Variants in LYPD6B observed in about 807,000 individuals in gnomAD.
LYPD6B encodes LY6/PLAUR domain containing 6B, also known as ly6/PLAUR domain-containing protein 6B.
LYPD6B carries 17 observed loss-of-function variants against 22.8 expected under a neutral mutation model. That is an observed-to-expected ratio of 0.75 (90% confidence interval 0.51 to 1.12). LYPD6B has a LOEUF of 1.12. Ranked by LOEUF, LYPD6B falls within the 50% of genes most tolerant of loss-of-function variation. The pLI, the probability that LYPD6B is intolerant of heterozygous loss-of-function variation, is 0.00. For missense variants in LYPD6B, 221 were observed against 258.3 expected (o/e 0.86, Z 0.99); for synonymous variants, 106 against 91.6 (o/e 1.16, Z -0.90).
intron 1 of LYPD6B, among the ~76,000 whole-genome samples, chr2:149,106,977 T>C (rs1686507883): frequency 6.6e-6 from 1 of 152,132 alleles, no homozygotes; most frequent in Non-Finnish European, 1.5e-5. Flanking sequence ...AAACCATGGA[T>C]AGTGCGGAAC....
rs759650003 is a variant in LYPD6B, at chr2:149,205,392, C to A, written c.217C>A (p.Pro73Thr). ...AKNINFYNVR[P>T]PLDPTPFPNS... Reference sequence around the variant, plus strand: ...GAACATCAACTTCTATAATGTGAGGCCTCCTCTCGACCGTAAGTAGTGGTG... The same window carrying A: ...GAACATCAACTTCTATAATGTGAGGACTCCTCTCGACCGTAAGTAGTGGTG... Residue 73 changes from proline to threonine, a missense_variant, in exon 4 of 7, where the codon CCT (proline) becomes ACT (threonine). By Grantham distance (38) the Pro-to-Thr change is conservative. Transcript: ENST00000409642. The A allele has an allele frequency of 3.7e-6, 6 of 1,613,808 alleles. No homozygotes were observed. In the Admixed American group the frequency reaches 8.3e-5, roughly 22 times the overall value.
intron 2 of LYPD6B, among the ~76,000 whole-genome samples, chr2:149,154,381 C>A (rs1001393496): frequency 1.3e-5 from 2 of 152,140 alleles, no homozygotes; most frequent in Admixed American, 1.3e-4. Flanking sequence ...TGGAACACAC[C>A]TTCCTCAGAG....
chr2:149,155,279 A>T (rs1162971148), intron 2 of LYPD6B, among the ~76,000 whole-genome samples: 1 of 152,204 alleles, frequency 6.6e-6, no homozygotes, highest in Non-Finnish European at 1.5e-5. Context: ...TGGGAACTGA[A>T]AGCATTCATG....
intron 1 of LYPD6B, chr2:149,068,482 T>G (rs1480247597): frequency 5.2e-6 from 1 of 191,772 alleles, no homozygotes; most frequent in African/African-American, 2.4e-5. Context: ...TATTTTATTG[T>G]CACGCAGATG....
At position 149,199,310 on chromosome 2, in the gene LYPD6B, G is replaced by A. The variant is rs192350754; in HGVS notation, c.78-5943G>A. On this transcript the variant is annotated intron_variant, in intron 3 of 6. Transcript: ENST00000409642. ...CACCTGATTGGTAAATGTAGAACCA[G>A]AATTTTCTTCTAGGTATTTCTGAAC... 3.0e-3 allele frequency among the ~76,000 whole-genome samples: 457 copies of A among 152,288 alleles called. 1 individual carries two copies. The highest frequency in any genetic ancestry group is 7.0e-3 in the Admixed American group (107 of 15,294).
At chr2:149,148,951 C>A (rs12991355) in intron 2 of LYPD6B, among the ~76,000 whole-genome samples, 1 of 152,126 alleles carries the variant, frequency 6.6e-6, no homozygotes, top group African/African-American at 2.4e-5. Context: ...GGAAATGATG[C>A]TAAGTGCTGT....
intron 5 of LYPD6B, among the ~76,000 whole-genome samples, chr2:149,209,230 C>T (rs149788724): frequency 2.6e-5 from 4 of 152,046 alleles, no homozygotes; most frequent in African/African-American, 9.7e-5. Context: ...AGTTGTGTTC[C>T]AAAATATTGC....
intron 1 of LYPD6B, among the ~76,000 whole-genome samples, chr2:149,120,585 G>A (rs1316829663): frequency 8.1e-5 from 12 of 147,734 alleles, no homozygotes; most frequent in Admixed American, 2.7e-4. Flanking sequence ...GGGTTTCACC[G>A]GGTTAGCCAG....
intron 3 of LYPD6B, among the ~76,000 whole-genome samples, chr2:149,172,490 G>A (rs1481814638): frequency 1.3e-5 from 2 of 152,178 alleles, no homozygotes; most frequent in African/African-American, 2.4e-5. Flanking sequence ...GTGATTTCAG[G>A]TCAGAGTTGA....
Position 149,214,723 on chromosome 2 carries a change from T to C in LYPD6B, c.*13T>C. ...TCCATTGCTGTGATGCCACCATTCCTAGGAGAGGCAGAGACCAGCCTCTAA... is the reference window on the plus strand; with the variant it reads ...TCCATTGCTGTGATGCCACCATTCCCAGGAGAGGCAGAGACCAGCCTCTAA... On this transcript the variant is annotated 3_prime_UTR_variant, in exon 7 of 7. Coordinates refer to ENST00000409642, the MANE Select transcript of LYPD6B (RefSeq NM_177964.5). The C allele has an allele frequency of 1.9e-6, 3 of 1,613,672 alleles. No homozygotes were observed. Among genetic ancestry groups the C allele is most frequent in the Non-Finnish European group, 2.5e-6 (3 of 1,179,636 alleles).
At chr2:149,066,397 A>G (rs1249994460) in intron 1 of LYPD6B, among the ~76,000 whole-genome samples, 1 of 151,530 alleles carries the variant, frequency 6.6e-6, no homozygotes, top group South Asian at 2.1e-4. Flanking sequence ...TCACTGTTCA[A>G]TTCCAACCTA....
chr2:149,168,923 G>T (rs1238214147), intron 3 of LYPD6B, among the ~76,000 whole-genome samples: 1 of 152,052 alleles, frequency 6.6e-6, no homozygotes. Flanking sequence ...AGCCTATTTA[G>T]GTATTATCTA....
chr2:149,062,627 A>G (rs1450315675), intron 1 of LYPD6B, among the ~76,000 whole-genome samples: 1 of 152,180 alleles, frequency 6.6e-6, no homozygotes, highest in Non-Finnish European at 1.5e-5. Flanking sequence ...AGTTGCTTCT[A>G]AAAGGCATAA....
chr2:149,121,926 C>T (rs374836091), intron 1 of LYPD6B, among the ~76,000 whole-genome samples: 2 of 152,188 alleles, frequency 1.3e-5, no homozygotes, highest in East Asian at 1.9e-4. Context: ...AGGAGTCACC[C>T]TCCTGGAGCA....
At chr2:149,055,609 A>G (rs1382058307) in intron 1 of LYPD6B, among the ~76,000 whole-genome samples, 1 of 152,156 alleles carries the variant, frequency 6.6e-6, no homozygotes, top group Non-Finnish European at 1.5e-5. Context: ...CTCTCGTTAA[A>G]TTGATTCCTG....
intron 3 of LYPD6B, among the ~76,000 whole-genome samples, chr2:149,185,784 C>T (rs1457234349): frequency 6.6e-6 from 1 of 152,212 alleles, no homozygotes; most frequent in Non-Finnish European, 1.5e-5. Context: ...GTCTCTTCAT[C>T]ACATTTTGGT....
intron 1 of LYPD6B, among the ~76,000 whole-genome samples, chr2:149,104,114 A>G (rs746173713): frequency 6.6e-5 from 10 of 151,870 alleles, no homozygotes; most frequent in Admixed American, 1.3e-4. Context: ...ATAACTATCC[A>G]TTGTATCGTT....
chr2:149,113,863 C>T (rs1271033595), intron 1 of LYPD6B, among the ~76,000 whole-genome samples: 1 of 152,178 alleles, frequency 6.6e-6, no homozygotes, highest in East Asian at 1.9e-4. Context: ...ATGAAATTAT[C>T]TTCACTACAT....
chr2:149,185,930 T>C (rs1468115227), intron 3 of LYPD6B, among the ~76,000 whole-genome samples: 3 of 152,226 alleles, frequency 2.0e-5, no homozygotes, highest in Non-Finnish European at 2.9e-5. Context: ...GTGAACTTGA[T>C]CCATCAATGC....
Sources: allele counts gnomAD v4.1 joint callset (sites outside exome capture counted in the v4.1 genomes callset), GRCh38; gene constraint gnomAD v4.1.1; transcripts MANE v1.5; gene names NCBI Gene and HGNC (gene_info 2026-07-23, HGNC 2026-07-21).